The following ZDHHC14 variants were observed in gnomAD, a reference collection of about 807,000 sequenced individuals.
ZDHHC14 encodes palmitoyltransferase ZDHHC14.
In ZDHHC14, 16 loss-of-function variants were observed where a neutral mutation model predicts 47.7. The observed-to-expected ratio is 0.34, with a 90% CI of 0.23 to 0.51. ZDHHC14 has a LOEUF of 0.51. Ranked by LOEUF, ZDHHC14 falls within the 20% of genes least tolerant of loss-of-function variation. ZDHHC14 has a pLI of 0.97. For missense variants in ZDHHC14, 515 were observed against 662.5 expected, an observed-to-expected ratio of 0.78 and a Z score of 2.44; for synonymous variants, 293 against 278.9, an observed-to-expected ratio of 1.05 and a Z score of -0.50.
intron 3 of ZDHHC14, among the ~76,000 whole-genome samples, chr6:157,611,912 CTCTT>C: frequency 6.6e-6 from 1 of 152,172 alleles, no homozygotes; most frequent in East Asian, 1.9e-4. Context: ...TCCGGAGTCT[CTCTT>C]TCTGCCAGGC....
At chr6:157,413,496 T>C (rs1749246802) in intron 1 of ZDHHC14, among the ~76,000 whole-genome samples, 1 of 152,204 alleles carries the variant, frequency 6.6e-6, no homozygotes, top group Admixed American at 6.5e-5. Context: ...TTTCATAGTT[T>C]TAAAATTACC....
intron 1 of ZDHHC14, among the ~76,000 whole-genome samples, chr6:157,500,747 T>G (rs1352023184): frequency 1.3e-5 from 2 of 152,210 alleles, no homozygotes; most frequent in African/African-American, 4.8e-5. Context: ...GGCCCTTTCA[T>G]GAAAGTGAAG....
chr6:157,595,174 ATTTTTTTTTTTTT>A (rs777568494), intron 3 of ZDHHC14, among the ~76,000 whole-genome samples: 6 of 62,700 alleles, frequency 9.6e-5, no homozygotes, highest in African/African-American at 2.2e-4. Context: ...TCTAGGCTAG[ATTTTTTTTTTTTT>A]TTTTTTTTTT....
At chr6:157,656,882 G>C (rs1778121981) in intron 8 of ZDHHC14, among the ~76,000 whole-genome samples, 1 of 152,084 alleles carries the variant, frequency 6.6e-6, no homozygotes, top group South Asian at 2.1e-4. Context: ...CCTCTTCACT[G>C]CTGGCCTCAG....
chr6:157,434,650 C>T (rs1318672511), intron 1 of ZDHHC14, among the ~76,000 whole-genome samples: 1 of 145,730 alleles, frequency 6.9e-6, no homozygotes, highest in East Asian at 2.0e-4. Context: ...CAAAATGGAT[C>T]TTTTGCCCCA....
intron 1 of ZDHHC14, among the ~76,000 whole-genome samples, chr6:157,516,813 G>A (rs1365981944): frequency 6.6e-6 from 1 of 152,192 alleles, no homozygotes; most frequent in Non-Finnish European, 1.5e-5. Flanking sequence ...AACGCATTAA[G>A]TTAATAAGTG....
At chr6:157,426,532 G>T (rs569773060) in intron 1 of ZDHHC14, among the ~76,000 whole-genome samples, 4 of 152,250 alleles carry the variant, frequency 2.6e-5, no homozygotes, top group Admixed American at 6.5e-5. Context: ...GGGCACTCAG[G>T]GGGAGAAGCG....
Position 157,439,052 on chromosome 6 carries a change from A to G in ZDHHC14, c.245+56786A>G, listed in dbSNP as rs771467072. The stretch of plus-strand genomic sequence containing the variant: ...CAGTTCATGTGAGGGTCATTGAGCA[A>G]CTTTTAAAAAAGTACCCTGTCACTT... On this transcript the variant is annotated intron_variant, in intron 1 of 8. Coordinates refer to ENST00000359775, the MANE Select transcript of ZDHHC14 (RefSeq NM_024630.3). 4.8e-4 allele frequency among the ~76,000 whole-genome samples: 73 copies of G among 152,214 alleles called. 2 individuals are homozygous for G. The highest frequency in any genetic ancestry group is 5.9e-4 in the Admixed American group (9 of 15,280).
intron 5 of ZDHHC14, among the ~76,000 whole-genome samples, chr6:157,643,200 T>G (rs1367172949): frequency 1.3e-5 from 2 of 152,230 alleles, no homozygotes; most frequent in Non-Finnish European, 2.9e-5. Context: ...TGACGGTTCC[T>G]TGAGACCTCC....
chr6:157,425,773 G>T (rs950937126), intron 1 of ZDHHC14, among the ~76,000 whole-genome samples: 2 of 152,062 alleles, frequency 1.3e-5, no homozygotes, highest in African/African-American at 2.4e-5. Context: ...GCCTCATCTG[G>T]CCAGATGCTG....
At chr6:157,408,150 AAAT>A (rs1777805407) in intron 1 of ZDHHC14, among the ~76,000 whole-genome samples, 1 of 152,202 alleles carries the variant, frequency 6.6e-6, no homozygotes, top group Non-Finnish European at 1.5e-5. Flanking sequence ...GCTTTGCTGT[AAAT>A]AATAGAAACC....
intron 1 of ZDHHC14, among the ~76,000 whole-genome samples, chr6:157,420,796 T>A (rs1369075010): frequency 6.6e-6 from 1 of 152,184 alleles, no homozygotes; most frequent in South Asian, 2.1e-4. Flanking sequence ...ACTGCTTGAA[T>A]GGAGAGATGT....
chr6:157,420,724 T>C (rs192678978), intron 1 of ZDHHC14, among the ~76,000 whole-genome samples: 1 of 152,352 alleles, frequency 6.6e-6, no homozygotes, highest in East Asian at 1.9e-4. Context: ...CTTGGTCACA[T>C]TTCAGCCTAG....
chr6:157,423,209 A>G (rs960082696), intron 1 of ZDHHC14, among the ~76,000 whole-genome samples: 3 of 152,120 alleles, frequency 2.0e-5, no homozygotes, highest in Admixed American at 6.5e-5. Context: ...TTAGGCCTTA[A>G]TTTTCCCACC....
chr6:157,382,158 G>T lies in ZDHHC14; in HGVS notation c.137G>T (p.Arg46Ile). The T allele has an allele frequency of 6.2e-7, 1 of 1,613,848 alleles. No homozygotes were observed. The change falls in exon 1 of 9, where the codon AGA (arginine) becomes ATA (isoleucine). Residue 46 changes from arginine (R) to isoleucine (I), a missense_variant. Arg to Ile is a moderately conservative substitution (Grantham distance 97, BLOSUM62 -3). This residue lies in a region of ZDHHC14 where 6 missense variants were observed against 19.7 expected (regional missense o/e 0.31). Transcript: ENST00000359775. Reference sequence around the variant, plus strand: ...AGGAAATGGGAGGTGTTCCCGGGAAGAAACAAGTTCTTCTGTAACGGGAGG... The same window carrying T: ...AGGAAATGGGAGGTGTTCCCGGGAATAAACAAGTTCTTCTGTAACGGGAGG... ...ARRKWEVFPG[R>I]NKFFCNGRIM...
intron 2 of ZDHHC14, 126 bp from the exon 3 acceptor site, chr6:157,592,862 T>G: frequency 6.7e-7 from 1 of 1,489,162 alleles, no homozygotes; most frequent in East Asian, 2.4e-5. Context: ...GGGTAAACCG[T>G]GGGCACCGGG....
chr6:157,438,715 G>C (rs777002919), intron 1 of ZDHHC14, among the ~76,000 whole-genome samples: 2 of 152,136 alleles, frequency 1.3e-5, no homozygotes, highest in Non-Finnish European at 2.9e-5. Flanking sequence ...GCTTATCTCA[G>C]GCATTGTTTT....
chr6:157,510,122 T>TA lies in ZDHHC14; in HGVS notation c.246-32461dup, dbSNP rs569856248. On this transcript the variant is annotated intron_variant, in intron 1 of 8. Transcript: ENST00000359775. ...TAGTGGGGCATGATGGCCAGGCCTGTAATCGCAGCTACTCAGGAGGCTGAG... is the reference window on the plus strand; with the variant it reads ...TAGTGGGGCATGATGGCCAGGCCTGTAAATCGCAGCTACTCAGGAGGCTGAG... Among the ~76,000 whole-genome samples the TA allele has an allele frequency of 7.3e-4, 111 of 152,208 alleles. 1 individual carries two copies. In the East Asian group the frequency reaches 0.019, roughly 26 times the overall value.
intron 2 of ZDHHC14, among the ~76,000 whole-genome samples, chr6:157,580,759 G>A (rs1279543390): frequency 6.7e-6 from 1 of 150,254 alleles, no homozygotes; most frequent in Non-Finnish European, 1.5e-5. Context: ...TTTCTCTGGG[G>A]GTAAGTGGTA....
Sources: allele counts gnomAD v4.1 joint callset (sites outside exome capture counted in the v4.1 genomes callset), GRCh38; gene constraint gnomAD v4.1.1; regional missense constraint gnomAD v4.1.1; transcripts MANE v1.5; gene names NCBI Gene and HGNC (gene_info 2026-07-23, HGNC 2026-07-21).